The following BLK variants were observed in gnomAD, a reference collection of about 807,000 sequenced individuals.
BLK encodes the protein BLK proto-oncogene, Src family tyrosine kinase, also known as tyrosine-protein kinase Blk.
BLK carries 64 observed loss-of-function variants against 61.8 expected under a neutral mutation model. The observed-to-expected ratio is 1.03, with a 90% CI of 0.85 to 1.27. The LOEUF is 1.27. Ranked by LOEUF, BLK falls within the 50% of genes most tolerant of loss-of-function variation. The probability of loss-of-function intolerance (pLI) is 0.00; values close to 1 mark genes in which losing one functional copy is unlikely to be tolerated. For synonymous variants in BLK, 351 were observed against 272.0 expected, an observed-to-expected ratio of 1.29 and a Z score of -2.86; for missense variants, 853 against 660.5, an observed-to-expected ratio of 1.29 and a Z score of -3.19.
chr8:11,564,172 C>T lies in BLK; in HGVS notation c.*64C>T. ...CGGACGACCCCGACTTCCGTGCCAT[C>T]CCAGACGGGCCGCGAAGGCGGGGTG... On this transcript the variant is annotated 3_prime_UTR_variant, in exon 13 of 13. Coordinates refer to ENST00000259089, the MANE Select transcript of BLK (RefSeq NM_001715.3). The T allele has an allele frequency of 6.6e-7, 1 of 1,510,016 alleles. No individual in the cohort carries two copies. Among genetic ancestry groups the T allele is most frequent in the Non-Finnish European group, 8.9e-7 (1 of 1,125,128 alleles). The allele number at this position is 1,510,016 out of a possible 1,614,324, so 93.5% of individuals were successfully genotyped here.
At chr8:11,501,985 G>A (rs1451603988) in intron 1 of BLK, among the ~76,000 whole-genome samples, 2 of 152,302 alleles carry the variant, frequency 1.3e-5, no homozygotes, top group East Asian at 1.9e-4. Flanking sequence ...AATCACTGCC[G>A]ACCTGTAGCA....
intron 1 of BLK, among the ~76,000 whole-genome samples, chr8:11,507,932 G>A (rs914734715): frequency 3.3e-5 from 5 of 152,168 alleles, no homozygotes; most frequent in African/African-American, 7.2e-5. Context: ...ACTGCTAATC[G>A]GGGGTAGAGT....
intron 1 of BLK, among the ~76,000 whole-genome samples, chr8:11,505,825 T>A (rs1798750776): frequency 6.6e-6 from 1 of 152,228 alleles, no homozygotes; most frequent in Non-Finnish European, 1.5e-5. Flanking sequence ...CCATCTGTCC[T>A]GTCCCTGAGG....
intron 1 of BLK, among the ~76,000 whole-genome samples, chr8:11,520,772 CT>C (rs1294118877): frequency 1.3e-5 from 2 of 152,138 alleles, no homozygotes; most frequent in Non-Finnish European, 2.9e-5. Flanking sequence ...AACAGATGAT[CT>C]GTTTGTCTTT....
At chr8:11,533,235 C>A (rs922736054) in intron 1 of BLK, among the ~76,000 whole-genome samples, 8 of 152,152 alleles carry the variant, frequency 5.3e-5, no homozygotes, top group African/African-American at 1.2e-4. Context: ...GGCCTGAGAC[C>A]TTTTCTTTTC....
rs544920286 is a variant in BLK, at chr8:11,541,357, G to A, written c.-1-1867G>A. Among the ~76,000 whole-genome samples, 3 of 152,168 alleles carry A rather than the reference G, an allele frequency of 2.0e-5. No homozygotes were observed. The South Asian group carries it at 6.2e-4, about 32-fold the overall frequency. ...AATAGTATTTTTCCAGGAATGTACA[G>A]ATGTTTCAATAACAGAAAATTTACC... is the stretch of plus-strand genomic sequence containing the variant. On this transcript the variant is annotated intron_variant, in intron 1 of 12. Coordinates refer to ENST00000259089, the MANE Select transcript of BLK (RefSeq NM_001715.3).
rs1314564494 is a variant in BLK, at chr8:11,564,348, C to T, written c.*240C>T. On this transcript the variant is annotated 3_prime_UTR_variant, in exon 13 of 13. Transcript: ENST00000259089. ...ATTTGTAGAGGGCTGTAACAGTGACCTCGCACGGTCATCCGGAGTACTAAG... is the reference window on the plus strand; with the variant it reads ...ATTTGTAGAGGGCTGTAACAGTGACTTCGCACGGTCATCCGGAGTACTAAG... 1 of 697,616 alleles carries T rather than the reference C, an allele frequency of 1.4e-6. No individual in the cohort carries two copies. Among genetic ancestry groups the T allele is most frequent in the Non-Finnish European group, 2.6e-6 (1 of 382,972 alleles). 43.2% of individuals were successfully genotyped at this position (697,616 alleles called of 1,614,324 possible).
At chr8:11,546,743 T>C (rs865872626) in intron 3 of BLK, among the ~76,000 whole-genome samples, 2 of 152,198 alleles carry the variant, frequency 1.3e-5, no homozygotes, top group Middle Eastern at 3.2e-3. Flanking sequence ...ACCGGGCTAA[T>C]TTTTATGTTT....
chr8:11,507,593 T>C (rs1273263037), intron 1 of BLK, among the ~76,000 whole-genome samples: 1 of 151,746 alleles, frequency 6.6e-6, no homozygotes, highest in Non-Finnish European at 1.5e-5. Context: ...AGGTAAGGAG[T>C]GGCCAAGCAC....
intron 1 of BLK, among the ~76,000 whole-genome samples, chr8:11,513,676 T>C (rs1009516697): frequency 6.6e-6 from 1 of 152,206 alleles, no homozygotes; most frequent in African/African-American, 2.4e-5. Context: ...TCATACCAAG[T>C]GATCCAGGGA....
rs780871482 is a variant in BLK at position 11,563,096 on chromosome 8, G to A, written c.1298G>A (p.Arg433Gln). 1.7e-5 allele frequency: 27 copies of A among 1,613,806 alleles called. No individual in the cohort carries two copies. Among genetic ancestry groups the A allele is most frequent in the Non-Finnish European group, 2.2e-5 (26 of 1,180,018 alleles). The change falls in exon 12 of 13, where the codon CGG becomes CAG. Residue 433 changes from arginine (R) to glutamine (Q), a missense_variant. Physicochemically the swap from Arg to Gln is conservative, Grantham distance 43 (BLOSUM62 1). Coordinates refer to ENST00000259089, the MANE Select transcript of BLK (RefSeq NM_001715.3). ...CTGATGGAAGTTGTCACTTATGGGC[G>A]GGTGCCATACCCAGGTAGGTGGCTC... ...VLLMEVVTYG[R>Q]VPYPGMSNPE... is the part of the protein sequence containing the mutation.
intron 1 of BLK, among the ~76,000 whole-genome samples, chr8:11,505,557 T>A (rs1798737921): frequency 1.3e-5 from 2 of 152,156 alleles, no homozygotes; most frequent in Admixed American, 1.3e-4. Context: ...CTCCATTGCT[T>A]TCGTTCAGGC....
intron 6 of BLK, 25 bp from the exon 7 acceptor site, chr8:11,554,718 G>A (rs372017480): frequency 7.4e-5 from 120 of 1,611,486 alleles, no homozygotes; most frequent in Admixed American, 1.0e-4. Context: ...CTTACTTCTC[G>A]TGTGTGTCTT....
chr8:11,554,286 C>T (rs989554485), intron 6 of BLK: 6 of 229,452 alleles, frequency 2.6e-5, no homozygotes, highest in South Asian at 1.4e-4. Flanking sequence ...TTACGGTGTC[C>T]GCCATGGACA....
chr8:11,508,482 G>A (rs1798868339), intron 1 of BLK, among the ~76,000 whole-genome samples: 1 of 152,172 alleles, frequency 6.6e-6, no homozygotes, highest in African/African-American at 2.4e-5. Flanking sequence ...ACCTTCCTTG[G>A]CCCCCTCTTG....
Position 11,556,667 on chromosome 8 carries a change from A to G in BLK, c.782A>G (p.Lys261Arg). 1 of 1,614,144 alleles carries G rather than the reference A, an allele frequency of 6.2e-7. No individual in the cohort carries two copies. The change falls in exon 9 of 13, where the codon AAA (lysine) becomes AGA (arginine). Residue 261 changes from lysine to arginine, a missense_variant. Lys to Arg is a conservative substitution (Grantham distance 26). Transcript: ENST00000259089. ...ACTCCCCCGGGCTCAGGTTACTACAAAAACAACATGAAGGTGGCCATTAAG... is the reference window on the plus strand; with the variant it reads ...ACTCCCCCGGGCTCAGGTTACTACAGAAACAACATGAAGGTGGCCATTAAG... ...QFGEVWMGYY[K>R]NNMKVAIKTL...
At chr8:11,516,202 G>C (rs1461361124) in intron 1 of BLK, among the ~76,000 whole-genome samples, 1 of 152,230 alleles carries the variant, frequency 6.6e-6, no homozygotes, top group Non-Finnish European at 1.5e-5. Flanking sequence ...TGAGTCCCTG[G>C]AGTAGTCCCA....
intron 1 of BLK, among the ~76,000 whole-genome samples, chr8:11,517,994 G>T (rs1243157007): frequency 6.6e-6 from 1 of 152,246 alleles, no homozygotes; most frequent in Non-Finnish European, 1.5e-5. Context: ...CAAGATGTGA[G>T]CTGGCTTTGC....
At chr8:11,514,973 G>A (rs1257059670) in intron 1 of BLK, among the ~76,000 whole-genome samples, 2 of 152,132 alleles carry the variant, frequency 1.3e-5, no homozygotes, top group East Asian at 3.9e-4. Context: ...CCAGGGTTGA[G>A]GCACGCACAT....
Sources: allele counts gnomAD v4.1 joint callset (sites outside exome capture counted in the v4.1 genomes callset), GRCh38; gene constraint gnomAD v4.1.1; transcripts MANE v1.5; gene names NCBI Gene and HGNC (gene_info 2026-07-23, HGNC 2026-07-21).